The following MCC variants were observed in gnomAD, a reference collection of about 807,000 sequenced individuals.
The protein encoded by MCC is MCC regulator of Wnt signaling pathway, also known as colorectal mutant cancer protein.
In MCC, 90 loss-of-function variants were observed where a neutral mutation model predicts 116.2. The ratio of observed to expected loss-of-function variants is 0.77; its 90% CI spans 0.65 to 0.92. The LOEUF (loss-of-function observed/expected upper bound fraction) is 0.92, where lower values mean the gene tolerates loss of function less well. MCC is among the 40% of genes least tolerant of loss of function. The pLI, the probability that MCC is intolerant of heterozygous loss-of-function variation, is 0.00. For synonymous variants in MCC, 578 were observed against 510.5 expected (o/e 1.13, Z -1.78); for missense variants, 1,516 against 1,312.2 (o/e 1.16, Z -2.40).
At chr5:113,120,099 A>T (rs1173328718) in intron 6 of MCC, among the ~76,000 whole-genome samples, 3 of 152,252 alleles carry the variant, frequency 2.0e-5, no homozygotes, top group Non-Finnish European at 2.9e-5. Context: ...TGGCGGGATC[A>T]GTATAGGGCT....
chr5:113,388,825 G>C (rs955224731), intron 1 of MCC, among the ~76,000 whole-genome samples: 3 of 152,132 alleles, frequency 2.0e-5, no homozygotes, highest in Non-Finnish European at 4.4e-5. Context: ...TATGACAGTT[G>C]AAAGAGTCAG....
In MCC at chr5:113,161,790, G is replaced by T. The variant is rs79848593; in HGVS notation, c.628-10368C>A. Among the ~76,000 whole-genome samples, 854 of 152,302 alleles carry T rather than the reference G, an allele frequency of 5.6e-3. 11 individuals are homozygous for T. Among genetic ancestry groups the T allele is most frequent in the African/African-American group, 0.019 (800 of 41,560 alleles). On this transcript the variant is annotated intron_variant, in intron 3 of 18. Transcript: ENST00000408903. The stretch of plus-strand genomic sequence containing the variant: ...TTAAAGTGTAAGAGTTATCCAAGAT[G>T]TCAGCTATTTAGATATTCAATACAA...
chr5:113,187,405 G>A (rs1024348757), intron 3 of MCC, among the ~76,000 whole-genome samples: 4 of 151,984 alleles, frequency 2.6e-5, no homozygotes, highest in African/African-American at 9.7e-5. Context: ...CACAGCACCC[G>A]GCCTCCTCTG....
chr5:113,431,830 G>A lies in MCC; in HGVS notation c.171-46618C>T, dbSNP rs184035937. 8.4e-3 allele frequency among the ~76,000 whole-genome samples: 1,214 copies of A among 144,492 alleles called. 9 individuals carry two copies. Among genetic ancestry groups the A allele is most frequent in the Non-Finnish European group, 0.014 (898 of 66,316 alleles). The allele number at this position is 144,492 out of a possible 152,430, so 94.8% of individuals were successfully genotyped here. ...AGCCTGGCCAACATGATGAAACCCC[G>A]TTTCTACTAAAAATACAAAAATTAG... On this transcript the variant is annotated intron_variant, in intron 1 of 18. Coordinates refer to ENST00000408903, the MANE Select transcript of MCC (RefSeq NM_001085377.2).
At position 113,434,934 on chromosome 5, in the gene MCC, C is replaced by G; in HGVS notation, c.171-49722G>C. 6.8e-7 allele frequency: 1 copy of G among 1,475,264 alleles called. No individual in the cohort carries two copies. The highest frequency in any genetic ancestry group is 9.1e-7 in the Non-Finnish European group (1 of 1,100,110). The allele number at this position is 1,475,264 out of a possible 1,614,324, so 91.4% of individuals were successfully genotyped here. On this transcript the variant is annotated intron_variant, in intron 1 of 18. Coordinates refer to ENST00000408903, the MANE Select transcript of MCC (RefSeq NM_001085377.2). The surrounding 1 kb of genome is among the most constrained non-coding windows in gnomAD (Gnocchi z 4.2). ...CTCATTTACATCCTGGATAGAGAGT[C>G]CTTTGGGCTGGCCAGGCCTGCTGTT... is the stretch of plus-strand genomic sequence containing the variant.
chr5:113,284,531 G>A (rs1017714287), intron 3 of MCC, among the ~76,000 whole-genome samples: 2 of 152,158 alleles, frequency 1.3e-5, no homozygotes, highest in Non-Finnish European at 2.9e-5. Context: ...AGAGGAAGTT[G>A]AGGCAGAAGA....
intron 14 of MCC, 117 bp downstream of exon 14, chr5:113,063,867 A>G: frequency 9.1e-7 from 1 of 1,102,954 alleles, no homozygotes; most frequent in Admixed American, 2.5e-5. Flanking sequence ...GCCAGAAGCC[A>G]TGTCTGCCTT....
intron 16 of MCC, chr5:113,048,754 C>A: frequency 2.2e-6 from 1 of 453,954 alleles, no homozygotes; most frequent in Non-Finnish European, 3.9e-6. Context: ...CCCTATTATA[C>A]CAATAAACCA....
chr5:113,028,342 TAATTATTTCTTGGA>T (rs1393430538), intron 18 of MCC, among the ~76,000 whole-genome samples: 2 of 152,104 alleles, frequency 1.3e-5, no homozygotes, highest in Non-Finnish European at 2.9e-5. Context: ...GCCACTTTTC[TAATTATTTCTTGGA>T]AAATAGTTTT....
intron 3 of MCC, among the ~76,000 whole-genome samples, chr5:113,279,027 T>C (rs1053123332): frequency 6.6e-6 from 1 of 152,212 alleles, no homozygotes; most frequent in African/African-American, 2.4e-5. Flanking sequence ...AAGGCAAGAA[T>C]ATAAAGGGAA....
chr5:113,026,631 CAA>C lies in MCC; in HGVS notation c.*669_*670del, dbSNP rs1561726143. On this transcript the variant is annotated 3_prime_UTR_variant, in exon 19 of 19. Coordinates refer to ENST00000408903, the MANE Select transcript of MCC (RefSeq NM_001085377.2). ...AGATTGAAGGAAGTTTTTATTCTCT[CAA>C]TACAAAATTGTTCAGGCACAGTCCT... 1 of 152,188 alleles carries C rather than the reference CAA, an allele frequency of 6.6e-6. No individual in the cohort carries two copies. 9.4% of individuals were successfully genotyped at this position (152,188 alleles called of 1,614,324 possible). A position where few individuals can be genotyped will look rare whatever the true frequency, so the allele number is the denominator to read the frequency against.
chr5:113,385,160 C>T lies in MCC; in HGVS notation c.223G>A (p.Glu75Lys), dbSNP rs1434634256. ...RQLNMEESVA[E>K]IMNQLGADEN... ...TCTGCTCCCAACTGGTTCATGATCT[C>T]AGCCACAGACTCTTCCATATTCAGC... The change falls in exon 2 of 19, where the codon GAG becomes AAG. Residue 75 changes from glutamate to lysine, a missense_variant. By Grantham distance (56) the Glu-to-Lys change is moderately conservative. Transcript: ENST00000408903. 2 of 1,614,192 alleles carry T rather than the reference C, an allele frequency of 1.2e-6. No homozygotes were observed. The highest frequency in any genetic ancestry group is 1.7e-6 in the Non-Finnish European group (2 of 1,180,038).
chr5:113,089,052 G>A (rs916907345), intron 8 of MCC, among the ~76,000 whole-genome samples: 2 of 152,240 alleles, frequency 1.3e-5, no homozygotes, highest in Admixed American at 6.5e-5. Flanking sequence ...GACACTTGCG[G>A]GAACATCATT....
intron 1 of MCC, among the ~76,000 whole-genome samples, chr5:113,465,511 A>C (rs1409527343): frequency 2.0e-5 from 3 of 152,192 alleles, no homozygotes; most frequent in Non-Finnish European, 4.4e-5. Context: ...GAAGAAAAAG[A>C]TTGACAGTGA....
chr5:113,070,051 T>C (rs562045761), intron 12 of MCC, among the ~76,000 whole-genome samples: 9 of 152,344 alleles, frequency 5.9e-5, no homozygotes, highest in African/African-American at 1.9e-4. Flanking sequence ...AAGACCTTTC[T>C]GCTCAAAGGC....
At chr5:113,200,678 GCAAA>G (rs1244844502) in intron 3 of MCC, among the ~76,000 whole-genome samples, 4 of 152,186 alleles carry the variant, frequency 2.6e-5, no homozygotes, top group Admixed American at 2.0e-4. Flanking sequence ...AAGTTAAAAA[GCAAA>G]CAAAGAAAAG....
chr5:113,162,065 C>A (rs1420582503), intron 3 of MCC, among the ~76,000 whole-genome samples: 1 of 152,128 alleles, frequency 6.6e-6, no homozygotes, highest in Admixed American at 6.5e-5. Flanking sequence ...TGTTCCCTCT[C>A]TGATGGGGCC....
At chr5:113,439,675 T>C (rs1171215144) in intron 1 of MCC, among the ~76,000 whole-genome samples, 1 of 152,142 alleles carries the variant, frequency 6.6e-6, no homozygotes, top group African/African-American at 2.4e-5. Flanking sequence ...TCTTATGTTG[T>C]GACAGTTAAT....
chr5:113,334,951 C>A (rs1439711249), intron 3 of MCC, among the ~76,000 whole-genome samples: 1 of 151,642 alleles, frequency 6.6e-6, no homozygotes, highest in Non-Finnish European at 1.5e-5. Flanking sequence ...GCCCTTTTCT[C>A]AAAATTCCAA....
Sources: gnomAD v4.1 joint callset for allele counts (sites outside exome capture counted in the v4.1 genomes callset) on GRCh38, gnomAD v4.1.1 for gene constraint, Gnocchi (gnomAD v3.1) non-coding constraint, MANE v1.5 for transcripts, NCBI Gene and HGNC (gene_info 2026-07-23, HGNC 2026-07-21) for gene names.